The following BRD4 variants were observed in gnomAD, a reference collection of about 807,000 sequenced individuals.
BRD4 encodes the protein bromodomain-containing protein 4.
In BRD4, 16 loss-of-function variants were observed where a neutral mutation model predicts 142.1. The ratio of observed to expected loss-of-function variants is 0.11; its 90% CI spans 0.08 to 0.17. The LOEUF (loss-of-function observed/expected upper bound fraction) is 0.17. Ranked by LOEUF, BRD4 falls within the 10% of genes least tolerant of loss-of-function variation. BRD4 has a pLI of 1.00. For synonymous variants in BRD4, 833 were observed against 707.5 expected (o/e 1.18, Z -2.82); for missense variants, 1,424 against 1,810.9 (o/e 0.79, Z 3.88).
chr19:15,284,888 C>T (rs1387416530), intron 1 of BRD4, among the ~76,000 whole-genome samples: 2 of 152,220 alleles, frequency 1.3e-5, no homozygotes, highest in African/African-American at 4.8e-5. Flanking sequence ...CCTAATTCCA[C>T]CTAACTTCCA....
intron 4 of BRD4, among the ~76,000 whole-genome samples, chr19:15,266,280 G>A (rs560390307): frequency 6.6e-6 from 1 of 152,330 alleles, no homozygotes; most frequent in South Asian, 2.1e-4. Flanking sequence ...GAATGTCTAG[G>A]AGCATAACCT....
rs2047209721 is a variant in BRD4 at position 15,238,266 on chromosome 19, C to T, written c.*111G>A. 6.5e-7 allele frequency: 1 copy of T among 1,539,686 alleles called. No homozygotes were observed. Among genetic ancestry groups the T allele is most frequent in the African/African-American group, 1.4e-5 (1 of 73,034 alleles). The stretch of plus-strand genomic sequence containing the variant: ...CCCCGGGCATAGCATGCAGGAGGGC[C>T]AGGCCCTGAGGCATCCCCTGGCCGC... On this transcript the variant is annotated 3_prime_UTR_variant, in exon 20 of 20. Coordinates refer to ENST00000679869, the MANE Select transcript of BRD4 (RefSeq NM_001379291.1). The surrounding 1 kb of genome is among the most constrained non-coding windows in gnomAD (Gnocchi z 7.2).
rs200068961 is a variant in BRD4 at position 15,244,284 on chromosome 19, G to T, written c.2528C>A (p.Pro843His). 6.9e-6 allele frequency: 11 copies of T among 1,592,224 alleles called. No homozygotes were observed. Among genetic ancestry groups the T allele is most frequent in the Non-Finnish European group, 7.7e-6 (9 of 1,171,522 alleles). Residue 843 changes from proline (P) to histidine (H), a missense_variant, in exon 13 of 20, where the codon CCT becomes CAT. Pro to His is a moderately conservative substitution (Grantham distance 77). Coordinates refer to ENST00000679869, the MANE Select transcript of BRD4 (RefSeq NM_001379291.1). Reference protein sequence around the residue: ...PELPPHLPQPPEHSTPPHLNQ... With the variant: ...PELPPHLPQPHEHSTPPHLNQ... ...GAGATGGGGTGGAGTGCTGTGCTCA[G>T]GCGGCTGGGGCAGGTGAGGGGGCAG...
intron 1 of BRD4, among the ~76,000 whole-genome samples, chr19:15,321,021 G>A (rs2048056856): frequency 6.6e-6 from 1 of 152,214 alleles, no homozygotes; most frequent in South Asian, 2.1e-4. Flanking sequence ...ATCACCTGAG[G>A]TCAGGAGTTT....
chr19:15,327,679 G>A (rs2048120752), intron 1 of BRD4, among the ~76,000 whole-genome samples: 1 of 152,094 alleles, frequency 6.6e-6, no homozygotes, highest in African/African-American at 2.4e-5. Flanking sequence ...GCCATATAAT[G>A]GAGTATCATT....
Position 15,280,528 on chromosome 19 carries a change from C to T in BRD4, c.-34-7395G>A, listed in dbSNP as rs1439693660. On this transcript the variant is annotated intron_variant, in intron 1 of 19. Transcript: ENST00000679869. Reference sequence around the variant, plus strand: ...CATCTGCTTACAATGAGATATATCCCGTGTCATAGGTGAAATCTAAAACAT... The same window carrying T: ...CATCTGCTTACAATGAGATATATCCTGTGTCATAGGTGAAATCTAAAACAT... The T allele has an allele frequency of 9.6e-6, 8 of 831,358 alleles. No individual in the cohort carries two copies. The South Asian group carries it at 1.7e-4, about 17-fold the overall frequency. 51.5% of individuals were successfully genotyped at this position (831,358 alleles called of 1,614,324 possible).
At chr19:15,250,359 G>A (rs1049261780) in intron 11 of BRD4, among the ~76,000 whole-genome samples, 2 of 152,250 alleles carry the variant, frequency 1.3e-5, no homozygotes, top group African/African-American at 4.8e-5. Context: ...GAGCAGGCAA[G>A]CAGCAGGCCT....
Position 15,239,705 on chromosome 19 carries a change from G to A in BRD4, c.3399C>T (p.Pro1133=). The change falls in exon 16 of 20, where the codon CCC becomes CCT. Residue 1133 remains proline (P), a synonymous_variant. Coordinates refer to ENST00000679869, the MANE Select transcript of BRD4 (RefSeq NM_001379291.1). This position sits in a 1 kb window ranked among gnomAD's most constrained non-coding sequence, Gnocchi z 7.4. ...CCTTGATGCTCTCCGGGTGCTTGGG[G>A]GGCTCCGGCCGCAGCGAGGGGCTGA... ...EPFSPSLRPE[P]PKHPESIKAP... 6.3e-7 allele frequency: 1 copy of A among 1,596,102 alleles called. No individual in the cohort carries two copies.
At chr19:15,326,593 C>T (rs547518642) in intron 1 of BRD4, among the ~76,000 whole-genome samples, 11 of 152,292 alleles carry the variant, frequency 7.2e-5, no homozygotes, top group African/African-American at 2.4e-4. Flanking sequence ...ATTAAGAGAT[C>T]ATTTTTAACC....
intron 2 of BRD4, among the ~76,000 whole-genome samples, chr19:15,270,590 G>A (rs563751820): frequency 4.1e-4 from 62 of 152,316 alleles, no homozygotes; most frequent in African/African-American, 1.3e-3. Context: ...GAATAGTGAA[G>A]AGGAATTGGG....
At chr19:15,287,571 A>T (rs1273597088) in intron 1 of BRD4, among the ~76,000 whole-genome samples, 1 of 151,944 alleles carries the variant, frequency 6.6e-6, no homozygotes, top group Non-Finnish European at 1.5e-5. Flanking sequence ...CTTGTAAAAC[A>T]AACTCTGTAA....
At chr19:15,253,547 T>G (rs1378342554) in intron 11 of BRD4, 2 of 1,551,212 alleles carry the variant, frequency 1.3e-6, no homozygotes, top group Non-Finnish European at 1.7e-6. Context: ...CGTGTGGAGT[T>G]AGGGCAGATT....
chr19:15,283,991 G>C (rs1246943716), intron 1 of BRD4, among the ~76,000 whole-genome samples: 1 of 152,144 alleles, frequency 6.6e-6, no homozygotes, highest in Non-Finnish European at 1.5e-5. Context: ...ATGGAGCCAG[G>C]AACAGACACA....
chr19:15,302,192 G>T (rs1176586042), intron 1 of BRD4, among the ~76,000 whole-genome samples: 1 of 151,822 alleles, frequency 6.6e-6, no homozygotes, highest in East Asian at 1.9e-4. Flanking sequence ...GAATTTTATT[G>T]CATATAAACT....
intron 1 of BRD4, among the ~76,000 whole-genome samples, chr19:15,290,247 G>A (rs904648937): frequency 2.6e-5 from 4 of 152,144 alleles, no homozygotes; most frequent in African/African-American, 9.7e-5. Context: ...TGACTGACAT[G>A]TGGATTATTA....
rs1236162283 is a variant in BRD4 at position 15,236,851 on chromosome 19, G to A, written c.*1526C>T. The A allele has an allele frequency of 5.3e-6, 1 of 187,910 alleles. No homozygotes were observed. Among genetic ancestry groups the A allele is most frequent in the African/African-American group, 2.3e-5 (1 of 42,592 alleles). 11.6% of individuals were successfully genotyped at this position (187,910 alleles called of 1,614,324 possible). On this transcript the variant is annotated 3_prime_UTR_variant, in exon 20 of 20. Coordinates refer to ENST00000679869, the MANE Select transcript of BRD4 (RefSeq NM_001379291.1). ...GAGACGCCAGCATTAAAAAAAGAGA[G>A]ATGTGTTTATTCCATGATCAGTACA...
chr19:15,269,959 T>C (rs1223747796), intron 2 of BRD4, among the ~76,000 whole-genome samples: 2 of 152,184 alleles, frequency 1.3e-5, no homozygotes, highest in African/African-American at 4.8e-5. Context: ...GGTGTGAGGA[T>C]CACAGAGGGC....
At position 15,238,176 on chromosome 19, in the gene BRD4, G is replaced by C; in HGVS notation, c.*201C>G. On this transcript the variant is annotated 3_prime_UTR_variant, in exon 20 of 20. Coordinates refer to ENST00000679869, the MANE Select transcript of BRD4 (RefSeq NM_001379291.1). This position sits in a 1 kb window ranked among gnomAD's most constrained non-coding sequence, Gnocchi z 7.2. Reference sequence around the variant, plus strand: ...GTCCTGTGAGGGGTGGTGGGTGGCGGGACGTCTGTCCGACTGGCCGTAAGG... The same window carrying C: ...GTCCTGTGAGGGGTGGTGGGTGGCGCGACGTCTGTCCGACTGGCCGTAAGG... The C allele has an allele frequency of 1.3e-6, 1 of 771,190 alleles. No individual in the cohort carries two copies. The allele number at this position is 771,190 out of a possible 1,614,324, so 47.8% of individuals were successfully genotyped here.
intron 1 of BRD4, among the ~76,000 whole-genome samples, chr19:15,275,191 A>G (rs1266534072): frequency 6.6e-6 from 1 of 152,206 alleles, no homozygotes. Context: ...AAGAGGAAAA[A>G]AACAGTTTTC....
Sources: allele counts gnomAD v4.1 joint callset (sites outside exome capture counted in the v4.1 genomes callset), GRCh38; gene constraint gnomAD v4.1.1; non-coding constraint Gnocchi (gnomAD v3.1); transcripts MANE v1.5; gene names NCBI Gene and HGNC (gene_info 2026-07-23, HGNC 2026-07-21).